Variants in DNM3 observed in about 807,000 individuals in gnomAD.
DNM3 encodes dynamin-3.
Under a neutral mutation model 101.6 loss-of-function variants are expected in DNM3, and 47 were observed. The observed-to-expected ratio is 0.46, with a 90% CI of 0.37 to 0.59. The LOEUF is 0.59. Among genes scored for constraint, DNM3 ranks in the 20% least tolerant of loss-of-function variants. The pLI, the probability that DNM3 is intolerant of heterozygous loss-of-function variation, is 0.00. For synonymous variants in DNM3, 385 were observed against 387.9 expected, an observed-to-expected ratio of 0.99 and a Z score of 0.09; for missense variants, 849 against 1,085.7, an observed-to-expected ratio of 0.78 and a Z score of 3.06.
chr1:171,885,996 G>A (rs569522844), intron 1 of DNM3, among the ~76,000 whole-genome samples: 33 of 152,296 alleles, frequency 2.2e-4, no homozygotes, highest in African/African-American at 6.3e-4. Flanking sequence ...ACTTTGACCG[G>A]ACTGTCAAGA....
intron 6 of DNM3, among the ~76,000 whole-genome samples, chr1:172,037,075 CA>C (rs1477889882): frequency 6.6e-6 from 1 of 152,084 alleles, no homozygotes; most frequent in Non-Finnish European, 1.5e-5. Flanking sequence ...AAATGCAAAT[CA>C]AAACCACAAT....
At chr1:172,132,849 TAA>T (rs1558620265) in intron 14 of DNM3, 1 of 768,688 alleles carries the variant, frequency 1.3e-6, no homozygotes, top group Admixed American at 2.0e-5. Flanking sequence ...AACCTTTTTT[TAA>T]AAAAGTCTTT....
At chr1:172,354,110 T>TGAGAGAGAGAGGGA (rs1445200263) in intron 17 of DNM3, among the ~76,000 whole-genome samples, 1 of 52,512 alleles carries the variant, frequency 1.9e-5, no homozygotes, top group Non-Finnish European at 3.7e-5. Context: ...TGTGTGTGTG[T>TGAGAGAGAGAGGGA]GTGAGAGAGA....
intron 14 of DNM3, among the ~76,000 whole-genome samples, chr1:172,225,166 G>A (rs2061062424): frequency 1.3e-5 from 1 of 74,314 alleles, no homozygotes; most frequent in African/African-American, 5.1e-5. Context: ...TTTTGAGATA[G>A]TCTTGCTGTG....
chr1:172,042,278 T>C lies in DNM3; in HGVS notation c.1128+134T>C, dbSNP rs1225441504. 4.7e-6 allele frequency: 4 copies of C among 844,158 alleles called. No homozygotes were observed. The Admixed American group carries it at 1.1e-4, about 24-fold the overall frequency. The allele number at this position is 844,158 out of a possible 1,614,324, so 52.3% of individuals were successfully genotyped here. A position where few individuals can be genotyped will look rare whatever the true frequency, so the allele number is the denominator to read the frequency against. On this transcript the variant is annotated intron_variant, in intron 8 of 20. Coordinates refer to ENST00000627582, the MANE Select transcript of DNM3 (RefSeq NM_015569.5). ...GAACAAAACCTCCATATTCAGGTAA[T>C]GAAATTCAGGAGAGGAATATGTTCT...
At chr1:172,073,449 A>C (rs1572386011) in intron 11 of DNM3, among the ~76,000 whole-genome samples, 2 of 152,154 alleles carry the variant, frequency 1.3e-5, no homozygotes, top group East Asian at 3.8e-4. Context: ...TTACGTATAC[A>C]TAATTTTATA....
At chr1:171,950,308 A>G (rs922520180) in intron 2 of DNM3, among the ~76,000 whole-genome samples, 11 of 152,312 alleles carry the variant, frequency 7.2e-5, no homozygotes, top group African/African-American at 2.6e-4. Context: ...AGCAATATGC[A>G]TTCGGTAGAA....
At chr1:172,302,827 G>A (rs973176648) in intron 15 of DNM3, among the ~76,000 whole-genome samples, 1 of 152,130 alleles carries the variant, frequency 6.6e-6, no homozygotes, top group Non-Finnish European at 1.5e-5. Flanking sequence ...GAAAGGAATA[G>A]CATCAACATC....
chr1:171,869,809 A>C (rs932145949), intron 1 of DNM3, among the ~76,000 whole-genome samples: 1 of 152,240 alleles, frequency 6.6e-6, no homozygotes, highest in African/African-American at 2.4e-5. Context: ...ATCCTGACCA[A>C]TGACTTTCAG....
intron 15 of DNM3, among the ~76,000 whole-genome samples, chr1:172,266,474 C>T (rs1379074391): frequency 6.6e-6 from 1 of 152,078 alleles, no homozygotes; most frequent in Non-Finnish European, 1.5e-5. Context: ...GTGTAAGGAA[C>T]ACAATTCAAT....
In DNM3 at chr1:172,307,202, C is replaced by A. The variant is rs150102581; in HGVS notation, c.1770-1526C>A. Among the ~76,000 whole-genome samples the A allele has an allele frequency of 4.8e-3, 734 of 152,196 alleles. 4 individuals are homozygous for A. The highest frequency in any genetic ancestry group is 0.017 in the African/African-American group (693 of 41,522). On this transcript the variant is annotated intron_variant, in intron 15 of 20. Coordinates refer to ENST00000627582, the MANE Select transcript of DNM3 (RefSeq NM_015569.5). ...TACCAGAAAAAATAAACAAACAACC[C>A]CATCAAAAAGTGGGCAAAGCATATG...
rs372775258 is a variant in DNM3, at chr1:172,279,175, T to A, written c.1769+25493T>A. On this transcript the variant is annotated intron_variant, in intron 15 of 20. Transcript: ENST00000627582. ...TGGATTGAAAAATAATTGGAAGCAT[T>A]TTTCAGTTCCTTTTAATACACAGAT... Among the ~76,000 whole-genome samples the A allele has an allele frequency of 1.1e-4, 16 of 152,274 alleles. No individual in the cohort carries two copies. The South Asian group carries it at 2.7e-3, about 26-fold the overall frequency.
At chr1:171,994,004 C>A (rs2045823742) in intron 4 of DNM3, among the ~76,000 whole-genome samples, 1 of 151,716 alleles carries the variant, frequency 6.6e-6, no homozygotes, top group African/African-American at 2.4e-5. Context: ...CTCATACATT[C>A]TTTTTGTTCT....
intron 1 of DNM3, among the ~76,000 whole-genome samples, chr1:171,899,742 T>C (rs1054644686): frequency 6.6e-6 from 1 of 152,180 alleles, no homozygotes; most frequent in South Asian, 2.1e-4. Context: ...TAATTAGACA[T>C]GGTTCCTGCT....
chr1:171,980,610 T>C (rs10914144), intron 2 of DNM3, among the ~76,000 whole-genome samples: 118,713 of 151,982 alleles, frequency 0.78, 46,412 homozygotes, highest in Middle Eastern at 0.86. Context: ...CTCCTTTGCC[T>C]CCCAACACTT....
intron 1 of DNM3, among the ~76,000 whole-genome samples, chr1:171,903,068 T>C (rs2038512722): frequency 6.6e-6 from 1 of 151,986 alleles, no homozygotes; most frequent in African/African-American, 2.4e-5. Context: ...GGTGGGAGGA[T>C]TGCTTGAGCC....
At chr1:172,290,632 G>A (rs1390164791) in intron 15 of DNM3, among the ~76,000 whole-genome samples, 2 of 152,114 alleles carry the variant, frequency 1.3e-5, no homozygotes, top group African/African-American at 4.8e-5. Flanking sequence ...CTTCTTTGTG[G>A]CGAGTGGAGC....
chr1:172,191,042 T>C (rs1477805200), intron 14 of DNM3, among the ~76,000 whole-genome samples: 1 of 152,178 alleles, frequency 6.6e-6, no homozygotes, highest in Non-Finnish European at 1.5e-5. Flanking sequence ...TTGTCAATTT[T>C]GGCTTTTGTT....
At chr1:171,929,432 T>C (rs1397800250) in intron 2 of DNM3, among the ~76,000 whole-genome samples, 1 of 152,012 alleles carries the variant, frequency 6.6e-6, no homozygotes, top group Admixed American at 6.5e-5. Flanking sequence ...TGTCTTGGAC[T>C]TTCCAAAGTT....
Sources: allele counts gnomAD v4.1 joint callset (sites outside exome capture counted in the v4.1 genomes callset), GRCh38; gene constraint gnomAD v4.1.1; transcripts MANE v1.5; gene names NCBI Gene and HGNC (gene_info 2026-07-23, HGNC 2026-07-21).